The following FAT3 variants were observed in gnomAD, a reference collection of about 807,000 sequenced individuals.
The protein encoded by FAT3 is FAT atypical cadherin 3.
In FAT3, 95 loss-of-function variants were observed where a neutral mutation model predicts 310.2. The ratio of observed to expected loss-of-function variants is 0.31; its 90% confidence interval spans 0.26 to 0.36. The LOEUF (loss-of-function observed/expected upper bound fraction) is 0.36, where lower values mean the gene tolerates loss of function less well. Ranked by LOEUF, FAT3 falls within the 10% of genes least tolerant of loss-of-function variation. The pLI is 1.00. For missense variants in FAT3, 5,408 were observed against 5,715.6 expected (o/e 0.95, Z 1.74); for synonymous variants, 2,314 against 2,192.9 (o/e 1.06, Z -1.54).
chr11:92,840,548 A>G lies in FAT3; in HGVS notation c.10369-14A>G. The stretch of plus-strand genomic sequence containing the variant: ...ATTTTTATCTTCATTTTTACTATAT[A>G]CTCTTTTATGCAGGAAAATAAGCCA... On this transcript the variant is annotated splice_polypyrimidine_tract_variant and intron_variant, in intron 17 of 27. Coordinates refer to ENST00000525166, the MANE Select transcript of FAT3 (RefSeq NM_001367949.2). 2 of 1,556,922 alleles carry G rather than the reference A, an allele frequency of 1.3e-6. No homozygotes were observed. The highest frequency in any genetic ancestry group is 8.7e-7 in the Non-Finnish European group (1 of 1,142,956).
intron 2 of FAT3, among the ~76,000 whole-genome samples, chr11:92,446,441 A>C (rs576197648): frequency 6.6e-6 from 1 of 151,924 alleles, no homozygotes; most frequent in Non-Finnish European, 1.5e-5. Flanking sequence ...ATATCCACCA[A>C]CTCCTCAATG....
chr11:92,429,050 ATCTGGG>A (rs1356647366), intron 2 of FAT3, among the ~76,000 whole-genome samples: 1 of 152,122 alleles, frequency 6.6e-6, no homozygotes, highest in Non-Finnish European at 1.5e-5. Flanking sequence ...TGCTTTATGA[ATCTGGG>A]TGCTCCTTTA....
intron 1 of FAT3, among the ~76,000 whole-genome samples, chr11:92,304,430 GAAAGC>G (rs1947071299): frequency 6.6e-6 from 1 of 152,086 alleles, no homozygotes; most frequent in East Asian, 1.9e-4. Flanking sequence ...TGGGAGTTGG[GAAAGC>G]CCCTGTTTTG....
intron 1 of FAT3, among the ~76,000 whole-genome samples, chr11:92,299,191 C>G (rs1946927748): frequency 1.3e-5 from 2 of 151,976 alleles, no homozygotes; most frequent in Admixed American, 1.3e-4. Flanking sequence ...TGGTGGGGTA[C>G]AAGATGGATT....
chr11:92,551,414 T>TTGTTGTGTGTGTG (rs35238743), intron 3 of FAT3, among the ~76,000 whole-genome samples: 2 of 128,876 alleles, frequency 1.6e-5, no homozygotes, highest in South Asian at 2.9e-4. Flanking sequence ...TTTTTTTGTT[T>TTGTTGTGTGTGTG]TGTGTGTGTG....
chr11:92,622,072 T>TA (rs1459927402), intron 3 of FAT3, among the ~76,000 whole-genome samples: 7 of 152,072 alleles, frequency 4.6e-5, no homozygotes, highest in African/African-American at 1.7e-4. Context: ...CCCAGCACCT[T>TA]AAAAAATGTG....
chr11:92,531,647 C>T lies in FAT3; in HGVS notation c.3607+6699C>T, dbSNP rs970535491. Reference sequence around the variant, plus strand: ...TTGCTAACCCACTGAGAACAGGTAGCGATGGTGTGGTATTCCCAGATAACC... The same window carrying T: ...TTGCTAACCCACTGAGAACAGGTAGTGATGGTGTGGTATTCCCAGATAACC... On this transcript the variant is annotated intron_variant, in intron 3 of 27. Coordinates refer to ENST00000525166, the MANE Select transcript of FAT3 (RefSeq NM_001367949.2). 1.1e-4 allele frequency among the ~76,000 whole-genome samples: 16 copies of T among 152,100 alleles called. 1 individual carries two copies. The South Asian group carries it at 1.7e-3, about 16-fold the overall frequency.
chr11:92,606,672 G>A (rs1363829740), intron 3 of FAT3, among the ~76,000 whole-genome samples: 3 of 152,124 alleles, frequency 2.0e-5, no homozygotes, highest in African/African-American at 2.4e-5. Flanking sequence ...TTCTGAGGTC[G>A]CTATAATTAA....
chr11:92,799,052 G>A lies in FAT3; in HGVS notation c.6039G>A (p.Glu2013=), dbSNP rs773308491. ...IVNAVGNRLN[E]PLKYSILNPG... ...ATGCAGTTGGAAATCGCCTTAATGA[G>A]CCCTTAAAATACAGCATCTTAAACC... is the stretch of plus-strand genomic sequence containing the variant. The change falls in exon 10 of 28, where the codon GAG becomes GAA. Residue 2013 remains glutamate (E), a synonymous_variant. Transcript: ENST00000525166. 3.7e-6 allele frequency: 6 copies of A among 1,613,740 alleles called. No homozygotes were observed. The African/African-American group carries it at 6.7e-5, about 18-fold the overall frequency.
rs7929149 is a variant in FAT3, at chr11:92,521,248, A to T, written c.3293-3386A>T. On this transcript the variant is annotated intron_variant, in intron 2 of 27. Transcript: ENST00000525166. Reference sequence around the variant, plus strand: ...AAAAACTTCCTTGATTTTATTGCTTATTGAATTATGTTCTCTTTTTAGTGA... The same window carrying T: ...AAAAACTTCCTTGATTTTATTGCTTTTTGAATTATGTTCTCTTTTTAGTGA... 2.9e-3 allele frequency among the ~76,000 whole-genome samples: 434 copies of T among 151,770 alleles called. 1 individual carries two copies. The highest frequency in any genetic ancestry group is 9.9e-3 in the African/African-American group (408 of 41,114).
chr11:92,396,465 A>G (rs1046670822), intron 2 of FAT3, among the ~76,000 whole-genome samples: 59 of 152,206 alleles, frequency 3.9e-4, no homozygotes, highest in Non-Finnish European at 1.8e-4. Context: ...GATCCCGTCT[A>G]CATGTATGGA....
chr11:92,730,372 A>G (rs935990667), intron 4 of FAT3, among the ~76,000 whole-genome samples: 1 of 152,196 alleles, frequency 6.6e-6, no homozygotes, highest in Non-Finnish European at 1.5e-5. Context: ...ATTTTGATAT[A>G]TAAACTCTGA....
At chr11:92,371,073 C>G (rs755811918) in intron 2 of FAT3, among the ~76,000 whole-genome samples, 1 of 152,056 alleles carries the variant, frequency 6.6e-6, no homozygotes, top group African/African-American at 2.4e-5. Context: ...TTAGAAATTG[C>G]GAAGTGGAGA....
chr11:92,634,178 A>G (rs566148253), intron 3 of FAT3, among the ~76,000 whole-genome samples: 9 of 152,208 alleles, frequency 5.9e-5, no homozygotes, highest in Non-Finnish European at 8.8e-5. Context: ...CATCCCAAAC[A>G]CAACAGACAG....
At chr11:92,605,719 GTTT>G (rs5793613) in intron 3 of FAT3, among the ~76,000 whole-genome samples, 5 of 99,740 alleles carry the variant, frequency 5.0e-5, no homozygotes, top group East Asian at 6.3e-4. Context: ...AAATAGCTAT[GTTT>G]TTTTTTTTTT....
Position 92,524,643 on chromosome 11 carries a change from C to T in FAT3, c.3302C>T (p.Thr1101Ile). The T allele has an allele frequency of 6.2e-7, 1 of 1,612,700 alleles. No homozygotes were observed. Among genetic ancestry groups the T allele is most frequent in the Non-Finnish European group, 8.5e-7 (1 of 1,178,868 alleles). Reference protein sequence around the residue: ...FSIDDESGVITAADILDRETM... With the variant: ...FSIDDESGVIIAADILDRETM... Reference sequence around the variant, plus strand: ...CTCTTTTTTGTCTCAGGGGTCATCACTGCCGCAGACATTCTTGATCGGGAG... The same window carrying T: ...CTCTTTTTTGTCTCAGGGGTCATCATTGCCGCAGACATTCTTGATCGGGAG... The change falls in exon 3 of 28, where the codon ACT becomes ATT. Residue 1101 changes from threonine (T) to isoleucine (I), a missense_variant. This residue lies in a region of FAT3 where 4,588 missense variants were observed against 4,809.8 expected (regional missense o/e 0.95). Transcript: ENST00000525166.
At position 92,882,986 on chromosome 11, in the gene FAT3, A is replaced by G. The variant is rs1204510127; in HGVS notation, c.12530A>G (p.Lys4177Arg). ...GTGGTTCTCTTCATAGTCTTCCGCAAGAAGGTCTTCCGCAAGAACTACTCC... is the reference window on the plus strand; with the variant it reads ...GTGGTTCTCTTCATAGTCTTCCGCAGGAAGGTCTTCCGCAAGAACTACTCC... ...ILVVLFIVFR[K>R]KVFRKNYSRN... The change falls in exon 24 of 28, where the codon AAG becomes AGG. Residue 4177 changes from lysine to arginine, a missense_variant. Lys to Arg is a conservative substitution (Grantham distance 26). Around this residue, in one of 5 missense-constraint regions of FAT3, gnomAD observed 649 missense variants for 666.2 expected, o/e 0.97. Transcript: ENST00000525166. The G allele has an allele frequency of 6.2e-7, 1 of 1,613,914 alleles. No homozygotes were observed.
At chr11:92,808,869 T>A (rs1947584149) in intron 12 of FAT3, among the ~76,000 whole-genome samples, 1 of 151,944 alleles carries the variant, frequency 6.6e-6, no homozygotes, top group African/African-American at 2.4e-5. Flanking sequence ...GAGCTTGCAG[T>A]GAGCCGAGAT....
At chr11:92,448,298 C>T (rs625789) in intron 2 of FAT3, among the ~76,000 whole-genome samples, 75 of 152,110 alleles carry the variant, frequency 4.9e-4, no homozygotes, top group Non-Finnish European at 9.4e-4. Context: ...CATTTTTCTC[C>T]CTCTTTTTTT....
Sources: gnomAD v4.1 joint callset for allele counts (sites outside exome capture counted in the v4.1 genomes callset) on GRCh38, gnomAD v4.1.1 for gene constraint, gnomAD v4.1.1 regional missense constraint, MANE v1.5 for transcripts, NCBI Gene and HGNC (gene_info 2026-07-23, HGNC 2026-07-21) for gene names.